Variants in ZNF160 observed in about 807,000 individuals in gnomAD.
The protein encoded by ZNF160 is KRAB zinc finger protein KR18.
A neutral mutation model predicts 13.1 loss-of-function variants in ZNF160; 9 were observed. The observed-to-expected ratio is 0.69, with a 90% CI of 0.41 to 1.20. ZNF160 has a LOEUF of 1.20. Among genes scored for constraint, ZNF160 ranks in the 50% most tolerant of loss-of-function variants. The pLI, the probability that ZNF160 is intolerant of heterozygous loss-of-function variation, is 0.01. For missense variants in ZNF160, 838 were observed against 988.0 expected (o/e 0.85, Z 2.04); for synonymous variants, 293 against 333.2 (o/e 0.88, Z 1.31).
chr19:53,072,981 T>C, intron 5 of ZNF160: 1 of 630,918 alleles, frequency 1.6e-6, no homozygotes, highest in South Asian at 7.0e-5. Flanking sequence ...CAAATTATAG[T>C]TATATATATT....
Position 53,067,972 on chromosome 19 carries a change from A to G in ZNF160, c.*105T>C. ...GGCCTCTCATATCTATTAATGCTTCAACTCATGAGGGATTGGCCACTGTCA... is the reference window on the plus strand; with the variant it reads ...GGCCTCTCATATCTATTAATGCTTCGACTCATGAGGGATTGGCCACTGTCA... On this transcript the variant is annotated 3_prime_UTR_variant, in exon 6 of 6. Coordinates refer to ENST00000683776, the MANE Select transcript of ZNF160 (RefSeq NM_001322131.2). 1 of 1,447,610 alleles carries G rather than the reference A, an allele frequency of 6.9e-7. No individual in the cohort carries two copies. The highest frequency in any genetic ancestry group is 1.4e-5 in the South Asian group (1 of 70,986). The allele number at this position is 1,447,610 out of a possible 1,614,324, so 89.7% of individuals were successfully genotyped here.
chr19:53,074,482 A>G (rs2084304464), intron 4 of ZNF160, among the ~76,000 whole-genome samples: 1 of 151,954 alleles, frequency 6.6e-6, no homozygotes, highest in Admixed American at 6.6e-5. Flanking sequence ...GATGGCTAAC[A>G]TGGTGAAACC....
At chr19:53,098,924 T>C (rs557540072) in intron 1 of ZNF160, among the ~76,000 whole-genome samples, 12 of 150,466 alleles carry the variant, frequency 8.0e-5, no homozygotes, top group African/African-American at 3.0e-4. Flanking sequence ...CTGGAATAAA[T>C]AGCCACAGGA....
Position 53,079,307 on chromosome 19 carries a change from T to C in ZNF160, c.16-4124A>G, listed in dbSNP as rs2084529995. On this transcript the variant is annotated intron_variant, in intron 3 of 5. Transcript: ENST00000683776. ...GGCTCACGCCTGTAATCTCAGCACT[T>C]TGGGAGGCCAAGGCAGGTGGATCAC... 2.0e-5 allele frequency among the ~76,000 whole-genome samples: 3 copies of C among 152,126 alleles called. No individual in the cohort carries two copies. The Middle Eastern group carries it at 0.01, about 517-fold the overall frequency.
At chr19:53,073,634 G>A in intron 5 of ZNF160, 1 of 1,283,328 alleles carries the variant, frequency 7.8e-7, no homozygotes. Flanking sequence ...TAAATACAGA[G>A]GGAGAGACCA....
chr19:53,084,403 T>C (rs1248558905), intron 3 of ZNF160, among the ~76,000 whole-genome samples: 1 of 152,208 alleles, frequency 6.6e-6, no homozygotes, highest in Non-Finnish European at 1.5e-5. Flanking sequence ...AAAAAGTCAC[T>C]GTCTTTCTAC....
chr19:53,076,081 A>C, intron 3 of ZNF160: 1 of 207,822 alleles, frequency 4.8e-6, no homozygotes, highest in South Asian at 6.9e-5. Flanking sequence ...AGCAGGAGAA[A>C]CTGAGTCTGT....
chr19:53,070,415 G>GTTTT (rs765945264), intron 5 of ZNF160, among the ~76,000 whole-genome samples, 153 bp from the exon 6 acceptor site: 1 of 145,034 alleles, frequency 6.9e-6, no homozygotes, highest in East Asian at 2.0e-4. Context: ...GAACAAAAAT[G>GTTTT]TTTTTTTTTT....
At chr19:53,097,977 C>T (rs1377730718) in intron 1 of ZNF160, among the ~76,000 whole-genome samples, 2 of 152,288 alleles carry the variant, frequency 1.3e-5, no homozygotes, top group East Asian at 1.9e-4. Context: ...AAGTACACTT[C>T]GGGATGTTTT....
intron 1 of ZNF160, among the ~76,000 whole-genome samples, chr19:53,096,087 C>T (rs779631927): frequency 2.6e-5 from 4 of 152,128 alleles, no homozygotes; most frequent in Admixed American, 6.5e-5. Flanking sequence ...GGAGTGGTGG[C>T]ACATGCCTGT....
chr19:53,067,981 G>T lies in ZNF160; in HGVS notation c.*96C>A. 6.8e-7 allele frequency: 1 copy of T among 1,480,140 alleles called. No individual in the cohort carries two copies. Among genetic ancestry groups the T allele is most frequent in the Non-Finnish European group, 9.1e-7 (1 of 1,102,106 alleles). 91.7% of individuals were successfully genotyped at this position (1,480,140 alleles called of 1,614,324 possible). A position where few individuals can be genotyped will look rare whatever the true frequency, so the allele number is the denominator to read the frequency against. ...TATCTATTAATGCTTCAACTCATGA[G>T]GGATTGGCCACTGTCACTACATTTG... On this transcript the variant is annotated 3_prime_UTR_variant, in exon 6 of 6. Transcript: ENST00000683776.
chr19:53,087,279 G>C (rs1568495686), intron 2 of ZNF160, among the ~76,000 whole-genome samples: 1 of 152,224 alleles, frequency 6.6e-6, no homozygotes, highest in Non-Finnish European at 1.5e-5. Context: ...TGAGGGTGCA[G>C]ATCACGCAGG....
In ZNF160 at chr19:53,090,212, T is replaced by C. The variant is rs1456049164; in HGVS notation, c.-46+1201A>G. Among the ~76,000 whole-genome samples, 3 of 151,860 alleles carry C rather than the reference T, an allele frequency of 2.0e-5. 1 individual carries two copies. The highest frequency in any genetic ancestry group is 4.4e-5 in the Non-Finnish European group (3 of 67,980). On this transcript the variant is annotated intron_variant, in intron 2 of 5. Coordinates refer to ENST00000683776, the MANE Select transcript of ZNF160 (RefSeq NM_001322131.2). Reference sequence around the variant, plus strand: ...ATTGCTGTCTGCCCTGACTCCAAATTCCTCCTCCTCTCCCCCACTCTCTGT... The same window carrying C: ...ATTGCTGTCTGCCCTGACTCCAAATCCCTCCTCCTCTCCCCCACTCTCTGT...
At chr19:53,073,636 G>A (rs1210206138) in intron 5 of ZNF160, 2 of 1,270,732 alleles carry the variant, frequency 1.6e-6, no homozygotes, top group Non-Finnish European at 2.1e-6. Context: ...AATACAGAGG[G>A]AGAGACCAAG....
intron 1 of ZNF160, among the ~76,000 whole-genome samples, chr19:53,102,367 C>T (rs2085477262): frequency 6.6e-6 from 1 of 152,188 alleles, no homozygotes; most frequent in Non-Finnish European, 1.5e-5. Flanking sequence ...CTCGCCTTGT[C>T]ACCAGCTGTC....
At position 53,096,429 on chromosome 19, in the gene ZNF160, C is replaced by T. The variant is rs191729633; in HGVS notation, c.-353-4709G>A. ...GCTTACCAACCTGTGGAAGGGCAAG[C>T]GCAAGTCCACCCAGAAACACATCTG... On this transcript the variant is annotated intron_variant, in intron 1 of 5. Transcript: ENST00000683776. 3.6e-3 allele frequency among the ~76,000 whole-genome samples: 545 copies of T among 151,532 alleles called. 5 individuals are homozygous for T. Among genetic ancestry groups the T allele is most frequent in the African/African-American group, 0.013 (523 of 41,208 alleles).
intron 3 of ZNF160, 30 bp from the exon 4 acceptor site, chr19:53,075,213 G>C (rs1258116328): frequency 6.2e-7 from 1 of 1,608,006 alleles, no homozygotes; most frequent in African/African-American, 1.3e-5. Flanking sequence ...TCACCAAGTG[G>C]CTAAGGGGAG....
chr19:53,102,863 T>A (rs1420383295), intron 1 of ZNF160, among the ~76,000 whole-genome samples: 1 of 151,498 alleles, frequency 6.6e-6, no homozygotes, highest in Non-Finnish European at 1.5e-5. Context: ...AGGGAAGCGG[T>A]GACTGCGAAG....
At chr19:53,077,791 A>G (rs868576321) in intron 3 of ZNF160, among the ~76,000 whole-genome samples, 70 of 152,076 alleles carry the variant, frequency 4.6e-4, no homozygotes, top group Middle Eastern at 6.8e-3. Flanking sequence ...TCAAAGAAAT[A>G]ACAATAAGAC....
Sources: gnomAD v4.1 joint callset for allele counts (sites outside exome capture counted in the v4.1 genomes callset) on GRCh38, gnomAD v4.1.1 for gene constraint, MANE v1.5 for transcripts, NCBI Gene and HGNC (gene_info 2026-07-23, HGNC 2026-07-21) for gene names.